The following CLIC5 variants were observed in gnomAD, a reference collection of about 807,000 sequenced individuals.
CLIC5 encodes the protein CLIC family member 5, also known as chloride intracellular channel protein 5.
CLIC5 carries 20 observed loss-of-function variants against 24.7 expected under a neutral mutation model. The ratio of observed to expected loss-of-function variants is 0.81; its 90% CI spans 0.57 to 1.18. CLIC5 has a LOEUF of 1.18. CLIC5 is among the 50% of genes most tolerant of loss of function. The pLI, the probability that CLIC5 is intolerant of heterozygous loss-of-function variation, is 0.00. For missense variants in CLIC5, 341 were observed against 326.1 expected (o/e 1.05, Z -0.35); for synonymous variants, 159 against 135.6 (o/e 1.17, Z -1.20).
intron 5 of CLIC5, among the ~76,000 whole-genome samples, chr6:45,909,362 G>T (rs1056249705): frequency 7.9e-5 from 12 of 152,156 alleles, no homozygotes; most frequent in Non-Finnish European, 1.6e-4. Flanking sequence ...TTGTGTGCTT[G>T]CTTTATAGGG....
intron 1 of CLIC5, among the ~76,000 whole-genome samples, chr6:46,066,281 T>C (rs2127472465): frequency 6.6e-6 from 1 of 152,318 alleles, no homozygotes; most frequent in South Asian, 2.1e-4. Context: ...TGTTTCTATG[T>C]GGGAGCACCT....
At chr6:45,956,925 CA>C (rs1343764908) in intron 1 of CLIC5, among the ~76,000 whole-genome samples, 1 of 152,166 alleles carries the variant, frequency 6.6e-6, no homozygotes, top group Non-Finnish European at 1.5e-5. Flanking sequence ...CATGCTCAGA[CA>C]GGTGGCTATC....
At chr6:46,062,329 A>G (rs1485093161) in intron 1 of CLIC5, among the ~76,000 whole-genome samples, 1 of 152,252 alleles carries the variant, frequency 6.6e-6, no homozygotes, top group African/African-American at 2.4e-5. Flanking sequence ...AAAGGCATTC[A>G]TGCCAGGTAT....
intron 1 of CLIC5, among the ~76,000 whole-genome samples, chr6:45,984,921 C>T (rs552764115): frequency 3.9e-5 from 6 of 152,282 alleles, no homozygotes; most frequent in African/African-American, 1.2e-4. Context: ...GAAACAAGGT[C>T]GGTAACTGCC....
chr6:45,947,049 A>G (rs963180707), intron 3 of CLIC5, among the ~76,000 whole-genome samples: 3 of 152,186 alleles, frequency 2.0e-5, no homozygotes, highest in South Asian at 2.1e-4. Flanking sequence ...GAGGGAGTGG[A>G]GGGAGGGTCC....
chr6:45,922,899 A>G (rs1302397095), intron 4 of CLIC5, among the ~76,000 whole-genome samples: 1 of 150,880 alleles, frequency 6.6e-6, no homozygotes, highest in Non-Finnish European at 1.5e-5. Flanking sequence ...TAGCGAGCTC[A>G]GGAGTGATCA....
At chr6:45,886,491 A>G (rs1439765989) in intron 6 of CLIC5, among the ~76,000 whole-genome samples, 1 of 152,168 alleles carries the variant, frequency 6.6e-6, no homozygotes, top group African/African-American at 2.4e-5. Flanking sequence ...CCCATTTGGT[A>G]AATTTCCTTT....
intron 1 of CLIC5, among the ~76,000 whole-genome samples, chr6:46,014,067 A>C (rs1380565416): frequency 1.3e-5 from 2 of 152,204 alleles, no homozygotes; most frequent in African/African-American, 2.4e-5. Flanking sequence ...CAGAAACCAA[A>C]GGAGCACACA....
chr6:46,028,895 A>G (rs191259330), intron 1 of CLIC5, among the ~76,000 whole-genome samples: 1 of 152,324 alleles, frequency 6.6e-6, no homozygotes, highest in Admixed American at 6.5e-5. Context: ...ATTTATAATA[A>G]CATGTGTCTA....
intron 1 of CLIC5, among the ~76,000 whole-genome samples, chr6:46,079,334 T>G (rs2127478968): frequency 6.6e-6 from 1 of 152,344 alleles, no homozygotes; most frequent in South Asian, 2.1e-4. Flanking sequence ...CAAGCTTTGG[T>G]TTCACTTTTA....
At chr6:45,935,958 T>C (rs1315824418) in intron 4 of CLIC5, among the ~76,000 whole-genome samples, 1 of 152,110 alleles carries the variant, frequency 6.6e-6, no homozygotes, top group Non-Finnish European at 1.5e-5. Context: ...CAATAAAGCT[T>C]GCTTTCCCAT....
At chr6:45,912,262 G>T in intron 5 of CLIC5, 1 of 992,886 alleles carries the variant, frequency 1.0e-6, no homozygotes, top group Non-Finnish European at 1.2e-6. Context: ...AATCCAAAGA[G>T]ATAGGGGCCA....
At chr6:45,943,990 T>G (rs1446753630) in intron 3 of CLIC5, among the ~76,000 whole-genome samples, 2 of 152,234 alleles carry the variant, frequency 1.3e-5, no homozygotes, top group Non-Finnish European at 2.9e-5. Flanking sequence ...TGGCGTGTTT[T>G]AAATATGCAA....
At chr6:46,049,372 A>G (rs1768042269) in intron 1 of CLIC5, among the ~76,000 whole-genome samples, 1 of 152,200 alleles carries the variant, frequency 6.6e-6, no homozygotes, top group South Asian at 2.1e-4. Flanking sequence ...ATTAAGTTTT[A>G]CCCATGCTTC....
At chr6:45,910,580 A>C (rs771007939) in intron 5 of CLIC5, among the ~76,000 whole-genome samples, 7 of 152,240 alleles carry the variant, frequency 4.6e-5, no homozygotes, top group Non-Finnish European at 8.8e-5. Flanking sequence ...ATTAATATTT[A>C]TTACAGTCCT....
chr6:46,024,636 G>C (rs541724058), intron 1 of CLIC5, among the ~76,000 whole-genome samples: 1 of 152,232 alleles, frequency 6.6e-6, no homozygotes, highest in Non-Finnish European at 1.5e-5. Flanking sequence ...TGTCCTAATG[G>C]TTAGTAAAAT....
the CLIC5 span, among the ~76,000 whole-genome samples, chr6:46,085,915 C>A: frequency 6.6e-6 from 1 of 152,256 alleles, no homozygotes; most frequent in Non-Finnish European, 1.5e-5. Flanking sequence ...AGTTTCCCGG[C>A]TGCTTTGTTT....
intron 1 of CLIC5, among the ~76,000 whole-genome samples, chr6:46,005,247 G>A (rs1388933865): frequency 1.3e-5 from 2 of 152,174 alleles, no homozygotes; most frequent in Non-Finnish European, 2.9e-5. Flanking sequence ...CCCCTTTTGT[G>A]TTATTTCTCC....
At chr6:46,010,183 G>A (rs1360184450) in intron 1 of CLIC5, among the ~76,000 whole-genome samples, 6 of 152,178 alleles carry the variant, frequency 3.9e-5, no homozygotes, top group Admixed American at 2.6e-4. Context: ...GTGAGATTCA[G>A]CTGGTAGGAC....
Sources: gnomAD v4.1 joint callset for allele counts (sites outside exome capture counted in the v4.1 genomes callset) on GRCh38, gnomAD v4.1.1 for gene constraint, MANE v1.5 for transcripts, NCBI Gene and HGNC (gene_info 2026-07-23, HGNC 2026-07-21) for gene names.